Variants in TATDN2 observed in about 807,000 individuals in gnomAD.
TATDN2 encodes the protein 3'-5' RNA nuclease TATDN2.
In TATDN2, 44 loss-of-function variants were observed where a neutral mutation model predicts 60.3. The ratio of observed to expected loss-of-function variants is 0.73; its 90% CI spans 0.57 to 0.94. TATDN2 has a LOEUF of 0.94. Among genes scored for constraint, TATDN2 ranks in the 40% least tolerant of loss-of-function variants. TATDN2 has a pLI of 0.00. For missense variants in TATDN2, 997 were observed against 948.0 expected (o/e 1.05, Z -0.68); for synonymous variants, 399 against 355.8 (o/e 1.12, Z -1.37).
Position 10,249,372 on chromosome 3 carries a change from C to A in TATDN2, c.172C>A (p.Gln58Lys). 1 of 1,613,170 alleles carries A rather than the reference C, an allele frequency of 6.2e-7. No homozygotes were observed. Residue 58 changes from glutamine to lysine, a missense_variant, in exon 2 of 8, where the codon CAG becomes AAG. Coordinates refer to ENST00000448281, the MANE Select transcript of TATDN2 (RefSeq NM_014760.4). ...CAGCAGCCCCAAGCGCCTGAAAGCC[C>A]AGAAGGAGGACGATGTGGCTTGCTC... is the stretch of plus-strand genomic sequence containing the variant. ...GPSSPKRLKA[Q>K]KEDDVACSRR... is the part of the protein sequence containing the mutation.
chr3:10,271,152 G>C, intron 4 of TATDN2, 137 bp downstream of exon 4: 1 of 1,089,578 alleles, frequency 9.2e-7, no homozygotes, highest in Non-Finnish European at 1.3e-6. Context: ...CTCTCATCCA[G>C]ACCATCTAGA....
intron 2 of TATDN2, among the ~76,000 whole-genome samples, chr3:10,257,343 AAAACAGGCTGAGCGCGGTGGC>A (rs1698323388): frequency 1.4e-5 from 2 of 146,428 alleles, no homozygotes; most frequent in South Asian, 4.4e-4. Flanking sequence ...AGATACAAAG[AAAACAGGCTGAGCGCGGTGGC>A]TCACACCTGT....
chr3:10,260,298 G>T lies in TATDN2; in HGVS notation c.576G>T (p.Gln192His). The T allele has an allele frequency of 6.2e-7, 1 of 1,614,186 alleles. No homozygotes were observed. The highest frequency in any genetic ancestry group is 8.5e-7 in the Non-Finnish European group (1 of 1,180,038). Residue 192 changes from glutamine (Q) to histidine (H), a missense_variant, in exon 3 of 8, where the codon CAG (glutamine) becomes CAT (histidine). By Grantham distance (24) the Gln-to-His change is conservative (BLOSUM62 0). Transcript: ENST00000448281. ...CAATGATCTACCTGAAGGCTATCCA[G>T]GGCATCCTGGGGAAATCGATGCCAA... Reference protein sequence around the residue: ...GSTMIYLKAIQGILGKSMPKR... With the variant: ...GSTMIYLKAIHGILGKSMPKR...
At chr3:10,273,106 C>T (rs891620090) in intron 4 of TATDN2, among the ~76,000 whole-genome samples, 6 of 152,080 alleles carry the variant, frequency 3.9e-5, no homozygotes, top group African/African-American at 1.2e-4. Flanking sequence ...GAACTAGAAG[C>T]GATAGGCATA....
Position 10,260,371 on chromosome 3 carries a change from C to T in TATDN2, c.649C>T (p.His217Tyr), listed in dbSNP as rs529268928. 4 of 1,614,154 alleles carry T rather than the reference C, an allele frequency of 2.5e-6. No homozygotes were observed. The South Asian group carries it at 3.3e-5, about 13-fold the overall frequency. The change falls in exon 3 of 8, where the codon CAT becomes TAT. Residue 217 changes from histidine to tyrosine, a missense_variant. His to Tyr is a moderately conservative substitution (Grantham distance 83). Transcript: ENST00000448281. ...ATRAKPSAAE[H>Y]PSHGEGPARS... ...TCGGGCAAAACCAAGCGCAGCAGAG[C>T]ATCCCAGCCATGGAGAAGGACCAGC...
intron 2 of TATDN2, 145 bp downstream of exon 2, chr3:10,249,759 A>G (rs866052857): frequency 1.1e-5 from 11 of 1,001,262 alleles, no homozygotes; most frequent in African/African-American, 3.4e-5. Flanking sequence ...ACTCCCCCCA[A>G]ACTCGAAGAC....
rs1217875174 is a variant in TATDN2 at position 10,249,584 on chromosome 3, T to A, written c.384T>A (p.Ala128=). Residue 128 remains alanine (A), a synonymous_variant, in exon 2 of 8, where the codon GCT becomes GCA. Coordinates refer to ENST00000448281, the MANE Select transcript of TATDN2 (RefSeq NM_014760.4). The stretch of plus-strand genomic sequence containing the variant: ...CCAACGCCTCTTTGGAAGAAATGGC[T>A]TCTCTAGAGGAGGAAGCCTGCAGCC... The part of the protein sequence containing the change: ...RPANASLEEM[A]SLEEEACSLK... 2.6e-6 allele frequency: 4 copies of A among 1,539,944 alleles called. No homozygotes were observed. Among genetic ancestry groups the A allele is most frequent in the Non-Finnish European group, 3.5e-6 (4 of 1,145,608 alleles).
At chr3:10,261,330 C>T (rs1698399189) in intron 3 of TATDN2, among the ~76,000 whole-genome samples, 1 of 150,822 alleles carries the variant, frequency 6.6e-6, no homozygotes, top group South Asian at 2.1e-4. Context: ...TTTAACATAG[C>T]TTATAATTGA....
At chr3:10,254,231 G>A (rs555406017) in intron 2 of TATDN2, among the ~76,000 whole-genome samples, 6 of 152,316 alleles carry the variant, frequency 3.9e-5, no homozygotes, top group African/African-American at 1.2e-4. Context: ...TGAGTGGAGA[G>A]CTGTAACAGG....
intron 2 of TATDN2, among the ~76,000 whole-genome samples, chr3:10,259,817 A>C (rs1698372622): frequency 1.3e-5 from 2 of 152,062 alleles, no homozygotes; most frequent in South Asian, 4.1e-4. Context: ...GAAGAGCTTG[A>C]GCTGCTGTTT....
intron 5 of TATDN2, among the ~76,000 whole-genome samples, chr3:10,276,936 A>T (rs896415670): frequency 6.6e-6 from 1 of 150,916 alleles, no homozygotes; most frequent in African/African-American, 2.4e-5. Context: ...ACCACTTGAA[A>T]TTTCTCATAT....
In TATDN2 at chr3:10,279,707, C is replaced by T. The variant is rs1698699834; in HGVS notation, c.*525C>T. ...ATTTTCTTGCAACCAGTGAAGTCGT[C>T]CTCCTCCCTTCCCTGGATAACTCTT... is the stretch of plus-strand genomic sequence containing the variant. On this transcript the variant is annotated 3_prime_UTR_variant, in exon 8 of 8. Coordinates refer to ENST00000448281, the MANE Select transcript of TATDN2 (RefSeq NM_014760.4). The T allele has an allele frequency of 6.6e-6, 1 of 152,212 alleles. No individual in the cohort carries two copies. The highest frequency in any genetic ancestry group is 1.5e-5 in the Non-Finnish European group (1 of 68,094). The allele number at this position is 152,212 out of a possible 1,614,324, so 9.4% of individuals were successfully genotyped here. A position where few individuals can be genotyped will look rare whatever the true frequency, so the allele number is the denominator to read the frequency against.
intron 2 of TATDN2, among the ~76,000 whole-genome samples, chr3:10,251,396 CT>C (rs986269503): frequency 7.9e-5 from 12 of 152,124 alleles, no homozygotes; most frequent in African/African-American, 2.9e-4. Context: ...ATTGTATTCT[CT>C]TTTTTTGAGA....
At position 10,278,979 on chromosome 3, in the gene TATDN2, C is replaced by T; in HGVS notation, c.2240C>T (p.Thr747Ile). 1 of 1,614,236 alleles carries T rather than the reference C, an allele frequency of 6.2e-7. No homozygotes were observed. Among genetic ancestry groups the T allele is most frequent in the Non-Finnish European group, 8.5e-7 (1 of 1,180,036 alleles). The change falls in exon 7 of 8, where the codon ACC becomes ATC. Residue 747 changes from threonine (T) to isoleucine (I), a missense_variant. Physicochemically the swap from Thr to Ile is moderately conservative, Grantham distance 89. Transcript: ENST00000448281. The surrounding 1 kb of genome is among the most constrained non-coding windows in gnomAD (Gnocchi z 4.7). ...ARVKDQPLSL[T>I]LAALRENTSR... is the part of the protein sequence containing the mutation. ...GTCAAAGATCAGCCACTCTCCCTCA[C>T]CTTGGCTGCCTTGCGTGAGAACACC...
intron 4 of TATDN2, among the ~76,000 whole-genome samples, chr3:10,273,239 A>C (rs1698591390): frequency 6.6e-6 from 1 of 152,132 alleles, no homozygotes; most frequent in African/African-American, 2.4e-5. Context: ...AAGGGGAGGA[A>C]GACTAGAAAA....
chr3:10,267,251 C>T (rs1698490968), intron 3 of TATDN2, among the ~76,000 whole-genome samples: 1 of 150,468 alleles, frequency 6.6e-6, no homozygotes, highest in South Asian at 2.1e-4. Flanking sequence ...CAGTCTCCTC[C>T]TATTTCCCCC....
At chr3:10,272,745 C>T (rs1005115722) in intron 4 of TATDN2, among the ~76,000 whole-genome samples, 2 of 149,754 alleles carry the variant, frequency 1.3e-5, no homozygotes, top group African/African-American at 4.9e-5. Context: ...CAAAAATTAG[C>T]TGGGTATAGC....
chr3:10,281,035 TATC>T lies in TATDN2; in HGVS notation c.*1856_*1858del, dbSNP rs1698731843. On this transcript the variant is annotated 3_prime_UTR_variant, in exon 8 of 8. Coordinates refer to ENST00000448281, the MANE Select transcript of TATDN2 (RefSeq NM_014760.4). ...CTACTTTTCTCTCTAGGATTTAGATTATCATTTATGTGCTGTTGCACAGTGAAA... is the reference window on the plus strand; with the variant it reads ...CTACTTTTCTCTCTAGGATTTAGATTATTTATGTGCTGTTGCACAGTGAAA... 1 of 152,234 alleles carries T rather than the reference TATC, an allele frequency of 6.6e-6. No individual in the cohort carries two copies. The highest frequency in any genetic ancestry group is 2.1e-4 in the South Asian group (1 of 4,832). 9.4% of individuals were successfully genotyped at this position (152,234 alleles called of 1,614,324 possible). A position where few individuals can be genotyped will look rare whatever the true frequency, so the allele number is the denominator to read the frequency against.
intron 2 of TATDN2, among the ~76,000 whole-genome samples, chr3:10,255,271 C>T (rs933006003): frequency 1.3e-5 from 2 of 151,962 alleles, no homozygotes; most frequent in Non-Finnish European, 2.9e-5. Context: ...GCCTCAGCCT[C>T]CCAAAGTTCT....
Sources: allele counts gnomAD v4.1 joint callset (sites outside exome capture counted in the v4.1 genomes callset), GRCh38; gene constraint gnomAD v4.1.1; non-coding constraint Gnocchi (gnomAD v3.1); transcripts MANE v1.5; gene names NCBI Gene and HGNC (gene_info 2026-07-23, HGNC 2026-07-21).